Variants in RIMS2 observed in about 807,000 individuals in gnomAD.
RIMS2 encodes regulating synaptic membrane exocytosis 2.
A neutral mutation model predicts 174.4 loss-of-function variants in RIMS2; 59 were observed. The ratio of observed to expected loss-of-function variants is 0.34; its 90% confidence interval spans 0.27 to 0.42. RIMS2 has a LOEUF of 0.42. Ranked by LOEUF, RIMS2 falls within the 10% of genes least tolerant of loss-of-function variation. The probability of loss-of-function intolerance (pLI) is 1.00; values close to 1 mark genes in which losing one functional copy is unlikely to be tolerated. For synonymous variants in RIMS2, 606 were observed against 572.5 expected, an observed-to-expected ratio of 1.06 and a Z score of -0.84; for missense variants, 1,620 against 1,666.3, an observed-to-expected ratio of 0.97 and a Z score of 0.48.
intron 4 of RIMS2, among the ~76,000 whole-genome samples, chr8:103,904,147 A>T (rs950955936): frequency 6.6e-6 from 1 of 152,060 alleles, no homozygotes; most frequent in African/African-American, 2.4e-5. Context: ...TTTGTACTTT[A>T]TGTCTAGATT....
At chr8:103,792,076 A>G (rs1209588198) in intron 3 of RIMS2, among the ~76,000 whole-genome samples, 1 of 152,216 alleles carries the variant, frequency 6.6e-6, no homozygotes, top group Non-Finnish European at 1.5e-5. Flanking sequence ...CGGACTTAAT[A>G]GACATCTACA....
rs769674811 is a variant in RIMS2, at chr8:103,806,250, G to A, written c.698+39713G>A. On this transcript the variant is annotated intron_variant, in intron 3 of 23. Coordinates refer to ENST00000504942, the Ensembl canonical transcript of RIMS2. The stretch of plus-strand genomic sequence containing the variant: ...GTTTTATTCTCTCAGAAAACATAAG[G>A]CTTAAGGGTTATGTTTATCTTCAAG... Among the ~76,000 whole-genome samples, 2 of 152,116 alleles carry A rather than the reference G, an allele frequency of 1.3e-5. 1 individual carries two copies. The highest frequency in any genetic ancestry group is 2.9e-5 in the Non-Finnish European group (2 of 68,016).
chr8:103,918,439 A>C lies in RIMS2; in HGVS notation c.2037-2A>C. The C allele has an allele frequency of 6.4e-7, 1 of 1,555,542 alleles. No individual in the cohort carries two copies. The highest frequency in any genetic ancestry group is 8.7e-7 in the Non-Finnish European group (1 of 1,149,896). On this transcript the variant is annotated splice_acceptor_variant, in intron 8 of 23. Coordinates refer to ENST00000504942, the Ensembl canonical transcript of RIMS2. LOFTEE classifies it high-confidence loss of function. ...CTTTCTTTTTTTTTTTAATCATTTC[A>C]GAGATATACCGCGAATACCTGATAG...
At chr8:103,543,948 A>T (rs1408435839) in intron 1 of RIMS2, among the ~76,000 whole-genome samples, 7 of 152,212 alleles carry the variant, frequency 4.6e-5, no homozygotes, top group Non-Finnish European at 1.0e-4. Flanking sequence ...TTTAGATATG[A>T]TCCCAACAGC....
At chr8:103,906,138 A>G (rs1423942094) in intron 4 of RIMS2, among the ~76,000 whole-genome samples, 1 of 152,206 alleles carries the variant, frequency 6.6e-6, no homozygotes, top group Admixed American at 6.5e-5. Flanking sequence ...ACTATTTTCT[A>G]TATGAATTAC....
intron 1 of RIMS2, among the ~76,000 whole-genome samples, chr8:103,546,084 G>C (rs1024813262): frequency 5.3e-5 from 8 of 152,056 alleles, no homozygotes; most frequent in African/African-American, 1.4e-4. Flanking sequence ...AGGCACAGGG[G>C]GGCAAGCTGG....
At chr8:103,562,619 G>A (rs985793765) in intron 1 of RIMS2, among the ~76,000 whole-genome samples, 1 of 152,158 alleles carries the variant, frequency 6.6e-6, no homozygotes, top group African/African-American at 2.4e-5. Context: ...CATGGTGCAA[G>A]CTGTCAGTGG....
intron 14 of RIMS2, among the ~76,000 whole-genome samples, chr8:103,947,165 G>A (rs2083999842): frequency 6.6e-6 from 1 of 152,138 alleles, no homozygotes; most frequent in African/African-American, 2.4e-5. Flanking sequence ...GAAAACATAG[G>A]AGAAAAATCT....
rs1424480548 is a variant in RIMS2, at chr8:103,748,699, T to C, written c.388-17528T>C. On this transcript the variant is annotated intron_variant, in intron 2 of 23. Transcript: ENST00000504942. ...GTCTTCTTTACCATCTGTTAATCTT[T>C]ATATAATTATGTCTGGTCCTTTGTC... Among the ~76,000 whole-genome samples, 10 of 152,284 alleles carry C rather than the reference T, an allele frequency of 6.6e-5. No homozygotes were observed. In the East Asian group the frequency reaches 1.7e-3, roughly 26 times the overall value.
At chr8:103,712,167 CTTTT>C (rs760792486) in intron 2 of RIMS2, among the ~76,000 whole-genome samples, 7 of 127,298 alleles carry the variant, frequency 5.5e-5, no homozygotes, top group African/African-American at 8.9e-5. Flanking sequence ...AATTTTTAAA[CTTTT>C]TTTTTTTTTT....
intron 19 of RIMS2, among the ~76,000 whole-genome samples, chr8:104,083,916 T>C (rs1309024432): frequency 2.0e-5 from 3 of 152,194 alleles, no homozygotes; most frequent in Non-Finnish European, 4.4e-5. Flanking sequence ...TTACTTTTTG[T>C]GGTTACATCT....
intron 14 of RIMS2, among the ~76,000 whole-genome samples, chr8:103,949,780 A>C (rs1023583847): frequency 1.3e-5 from 2 of 152,166 alleles, no homozygotes; most frequent in African/African-American, 4.8e-5. Context: ...AAAGGGAATA[A>C]AAGTCAAAAT....
intron 19 of RIMS2, among the ~76,000 whole-genome samples, chr8:104,173,562 A>G (rs893721198): frequency 6.6e-6 from 1 of 151,654 alleles, no homozygotes; most frequent in East Asian, 1.9e-4. Context: ...AACAAAGAAA[A>G]AAGTTATAAG....
At chr8:103,868,771 AT>A (rs2099095734) in intron 3 of RIMS2, among the ~76,000 whole-genome samples, 1 of 152,184 alleles carries the variant, frequency 6.6e-6, no homozygotes, top group Non-Finnish European at 1.5e-5. Flanking sequence ...ACTTGATATA[AT>A]TCATGAGGAA....
At chr8:103,719,700 C>G (rs1204681651) in intron 2 of RIMS2, among the ~76,000 whole-genome samples, 1 of 151,958 alleles carries the variant, frequency 6.6e-6, no homozygotes, top group African/African-American at 2.4e-5. Context: ...TTTCCCAGAC[C>G]TTTTAGGATG....
intron 13 of RIMS2, among the ~76,000 whole-genome samples, chr8:103,940,293 A>G (rs939598357): frequency 4.6e-5 from 7 of 152,198 alleles, no homozygotes; most frequent in Admixed American, 3.9e-4. Context: ...GGCAGCAGGC[A>G]AAGAGAGAGA....
At chr8:103,834,332 C>CTT (rs397892077) in intron 3 of RIMS2, among the ~76,000 whole-genome samples, 6,413 of 119,192 alleles carry the variant, frequency 0.054, 226 homozygotes, top group Non-Finnish European at 0.075. Context: ...TTTTCTTTTT[C>CTT]TTTTTTTTTT....
At chr8:104,060,645 C>A (rs574158519) in intron 19 of RIMS2, among the ~76,000 whole-genome samples, 1 of 152,008 alleles carries the variant, frequency 6.6e-6, no homozygotes, top group Non-Finnish European at 1.5e-5. Flanking sequence ...TTTTCTAGTT[C>A]TTTTAATTGT....
chr8:104,209,919 A>T (rs2099097984), intron 19 of RIMS2, among the ~76,000 whole-genome samples: 1 of 152,202 alleles, frequency 6.6e-6, no homozygotes, highest in Admixed American at 6.5e-5. Context: ...TATAAAAAGT[A>T]AGGGAAAGGG....
Sources: allele counts gnomAD v4.1 joint callset (sites outside exome capture counted in the v4.1 genomes callset), GRCh38; gene constraint gnomAD v4.1.1; transcripts MANE v1.5; gene names NCBI Gene and HGNC (gene_info 2026-07-23, HGNC 2026-07-21).